The following MROH1 variants were observed in gnomAD, a reference collection of about 807,000 sequenced individuals.
The protein encoded by MROH1 is maestro heat like repeat family member 1.
Under a neutral mutation model 116.5 loss-of-function variants are expected in MROH1, and 117 were observed. The observed-to-expected ratio is 1.00, with a 90% confidence interval of 0.86 to 1.17. The LOEUF is 1.17. MROH1 is among the 50% of genes most tolerant of loss of function. MROH1 has a pLI of 0.00. For synonymous variants in MROH1, 921 were observed against 583.9 expected, an observed-to-expected ratio of 1.58 and a Z score of -8.32; for missense variants, 1,873 against 1,338.5, an observed-to-expected ratio of 1.40 and a Z score of -6.23.
intron 35 of MROH1, among the ~76,000 whole-genome samples, chr8:144,257,538 C>T (rs911973252): frequency 2.0e-5 from 3 of 152,212 alleles, no homozygotes; most frequent in Non-Finnish European, 4.4e-5. Flanking sequence ...CCTCATGGGG[C>T]CCATCACCAG....
intron 12 of MROH1, among the ~76,000 whole-genome samples, chr8:144,210,029 C>T (rs1432915363): frequency 6.6e-6 from 1 of 152,092 alleles, no homozygotes; most frequent in Non-Finnish European, 1.5e-5. Context: ...GAAGTTGCCA[C>T]CGAGACGCCC....
At chr8:144,203,838 T>C (rs141723032) in intron 12 of MROH1, among the ~76,000 whole-genome samples, 1 of 152,272 alleles carries the variant, frequency 6.6e-6, no homozygotes, top group African/African-American at 2.4e-5. Context: ...TTGTTAGAGA[T>C]GGGTTTTTCC....
chr8:144,162,516 C>T (rs895376975), intron 2 of MROH1, among the ~76,000 whole-genome samples: 12 of 152,076 alleles, frequency 7.9e-5, no homozygotes, highest in African/African-American at 2.9e-4. Context: ...CCACCTCAGC[C>T]TCCTGAGTAG....
At chr8:144,250,813 G>C (rs1164186823) in intron 33 of MROH1, 2 of 344,262 alleles carry the variant, frequency 5.8e-6, no homozygotes, top group Non-Finnish European at 1.1e-5. Flanking sequence ...AGCCCCCTCA[G>C]GAGCCCAAGG....
At chr8:144,260,139 A>C in intron 38 of MROH1, 47 bp from the exon 39 acceptor site, 1 of 759,496 alleles carries the variant, frequency 1.3e-6, no homozygotes, top group South Asian at 1.4e-5. Flanking sequence ...CTTGTGGGGT[A>C]GCAGACGGTG....
chr8:144,257,699 C>T (rs1239623152), intron 35 of MROH1, among the ~76,000 whole-genome samples: 5 of 152,232 alleles, frequency 3.3e-5, no homozygotes, highest in Admixed American at 1.3e-4. Flanking sequence ...CACTCCACGT[C>T]GCAGCACACC....
chr8:144,248,741 C>T, intron 31 of MROH1, 136 bp from the exon 32 acceptor site: 1 of 690,746 alleles, frequency 1.4e-6, no homozygotes, highest in East Asian at 2.7e-5. Context: ...AGGCGCAGGG[C>T]CCAGCGGCTG....
At chr8:144,245,782 C>A (rs1205563913) in intron 29 of MROH1, among the ~76,000 whole-genome samples, 1 of 152,128 alleles carries the variant, frequency 6.6e-6, no homozygotes, top group Non-Finnish European at 1.5e-5. Flanking sequence ...GCCTTGGCCT[C>A]CCGAGTAGCT....
intron 12 of MROH1, among the ~76,000 whole-genome samples, chr8:144,203,496 G>T (rs1351718767): frequency 6.6e-6 from 1 of 151,438 alleles, no homozygotes; most frequent in African/African-American, 2.4e-5. Context: ...CTGTTGAGGG[G>T]TTGGGAGGGG....
chr8:144,163,730 A>C lies in MROH1; in HGVS notation c.-56-41A>C. ...AATTGCCTGTGAACTCAGATATCGT[A>C]GAGGCTTATGAATTAAATCTTGTGA... On this transcript the variant is annotated intron_variant, in intron 2 of 43. Transcript: ENST00000326134. The surrounding 1 kb of genome is among the most constrained non-coding windows in gnomAD (Gnocchi z 4.4). 1 of 1,265,354 alleles carries C rather than the reference A, an allele frequency of 7.9e-7. No individual in the cohort carries two copies. The highest frequency in any genetic ancestry group is 1.1e-6 in the Non-Finnish European group (1 of 879,566). The allele number at this position is 1,265,354 out of a possible 1,614,324, so 78.4% of individuals were successfully genotyped here.
At chr8:144,243,687 G>A in intron 25 of MROH1, 71 bp downstream of exon 25, 3 of 772,196 alleles carry the variant, frequency 3.9e-6, no homozygotes, top group Non-Finnish European at 4.8e-6. Context: ...GTGGGGACTG[G>A]GGCACTGAGG....
At chr8:144,176,674 C>G (rs1177851815) in intron 4 of MROH1, among the ~76,000 whole-genome samples, 1 of 148,466 alleles carries the variant, frequency 6.7e-6, no homozygotes, top group African/African-American at 2.5e-5. Context: ...ACTAAAAATA[C>G]AAAAATTAGC....
intron 12 of MROH1, chr8:144,213,916 C>T (rs1834719057): frequency 2.6e-5 from 4 of 151,994 alleles, no homozygotes; most frequent in Admixed American, 2.6e-4. Flanking sequence ...TTTCTATCCT[C>T]TTAGATGCCA....
intron 14 of MROH1, among the ~76,000 whole-genome samples, chr8:144,234,191 AGT>A (rs1554823779): frequency 6.6e-6 from 1 of 151,972 alleles, no homozygotes; most frequent in Non-Finnish European, 1.5e-5. Flanking sequence ...TTGTATTTTT[AGT>A]AGAGACGGGG....
chr8:144,205,537 C>CAT (rs397731604), intron 12 of MROH1, among the ~76,000 whole-genome samples: 1 of 151,132 alleles, frequency 6.6e-6, no homozygotes, highest in African/African-American at 2.4e-5. Flanking sequence ...CACACACACA[C>CAT]GCATGCATGC....
intron 12 of MROH1, among the ~76,000 whole-genome samples, chr8:144,204,291 T>A (rs952018644): frequency 1.3e-5 from 2 of 152,182 alleles, no homozygotes; most frequent in African/African-American, 4.8e-5. Context: ...TTTTGTATTT[T>A]TGTAGAAATG....
chr8:144,204,653 A>G (rs1832441400), intron 12 of MROH1, among the ~76,000 whole-genome samples: 1 of 152,236 alleles, frequency 6.6e-6, no homozygotes, highest in Non-Finnish European at 1.5e-5. Flanking sequence ...AGAGAATTGT[A>G]TGGTGTAAAT....
At chr8:144,197,417 C>CTTTTTTTTTTTTTT (rs79749774) in intron 10 of MROH1, among the ~76,000 whole-genome samples, 6 of 42,500 alleles carry the variant, frequency 1.4e-4, no homozygotes, top group African/African-American at 2.6e-4. Context: ...GCTGCAGCAT[C>CTTTTTTTTTTTTTT]TTTTTTTTTT....
Position 144,248,956 on chromosome 8 carries a change from A to G in MROH1, c.3200A>G (p.Lys1067Arg). The change falls in exon 32 of 44, where the codon AAG becomes AGG. Residue 1067 changes from lysine (K) to arginine (R), a missense_variant. Transcript: ENST00000326134. ...TTTGAGGCCCTGGGAGACCCCGAAA[A>G]GAACTGCTCCCGAGCAGCTACCGTC... ...TMFEALGDPE[K>R]NCSRAATVMI... 1 of 756,512 alleles carries G rather than the reference A, an allele frequency of 1.3e-6. No homozygotes were observed. The highest frequency in any genetic ancestry group is 2.5e-5 in the East Asian group (1 of 39,998). 46.9% of individuals were successfully genotyped at this position (756,512 alleles called of 1,614,324 possible). A position where few individuals can be genotyped will look rare whatever the true frequency, so the allele number is the denominator to read the frequency against.
Sources: gnomAD v4.1 joint callset for allele counts (sites outside exome capture counted in the v4.1 genomes callset) on GRCh38, gnomAD v4.1.1 for gene constraint, Gnocchi (gnomAD v3.1) non-coding constraint, MANE v1.5 for transcripts, NCBI Gene and HGNC (gene_info 2026-07-23, HGNC 2026-07-21) for gene names.